CLUAP1: variants seen among roughly 807,000 people sequenced by gnomAD.
The protein encoded by CLUAP1 is clusterin-associated protein 1.
CLUAP1 carries 50 observed loss-of-function variants against 55.0 expected under a neutral mutation model. The observed-to-expected ratio is 0.91, with a 90% confidence interval of 0.72 to 1.15. CLUAP1 has a LOEUF of 1.15. CLUAP1 is among the 50% of genes most tolerant of loss of function. CLUAP1 has a pLI of 0.00. For missense variants in CLUAP1, 530 were observed against 507.6 expected (o/e 1.04, Z -0.42); for synonymous variants, 195 against 175.4 (o/e 1.11, Z -0.88).
At chr16:3,500,937 C>T (rs546170142), upstream of CLUAP1, 3 of 1,002,632 alleles carry the variant, frequency 3.0e-6, no homozygotes, top group Non-Finnish European at 3.0e-6. Context: ...GTCTTCGCTT[C>T]GCTTTTTGTT....
At chr16:3,505,398 C>T (rs1424452984) in intron 2 of CLUAP1, among the ~76,000 whole-genome samples, 2 of 151,124 alleles carry the variant, frequency 1.3e-5, no homozygotes, top group Admixed American at 6.6e-5. Context: ...GGCGTGGTGG[C>T]GGGCGCCTGT....
chr16:3,513,444 AT>A, intron 5 of CLUAP1, among the ~76,000 whole-genome samples: 1 of 151,872 alleles, frequency 6.6e-6, no homozygotes, highest in Non-Finnish European at 1.5e-5. Context: ...TTTATTTTTT[AT>A]TTTTTTAATT....
chr16:3,505,115 CAT>C (rs1184934252), intron 2 of CLUAP1, among the ~76,000 whole-genome samples: 1 of 152,134 alleles, frequency 6.6e-6, no homozygotes, highest in Non-Finnish European at 1.5e-5. Context: ...GGTACACACT[CAT>C]AGTTCCAGCG....
At chr16:3,500,597 C>G (rs933198640), upstream of CLUAP1, among the ~76,000 whole-genome samples, 2 of 152,170 alleles carry the variant, frequency 1.3e-5, no homozygotes, top group African/African-American at 2.4e-5. Context: ...TCTCGAACTC[C>G]TGACCTCAAG....
At chr16:3,525,170 T>A (rs1372621846) in intron 8 of CLUAP1, among the ~76,000 whole-genome samples, 1 of 152,154 alleles carries the variant, frequency 6.6e-6, no homozygotes, top group African/African-American at 2.4e-5. Context: ...ACAGGCACAT[T>A]TCGAGGGCAC....
At chr16:3,515,884 T>C (rs1356290162) in intron 6 of CLUAP1, among the ~76,000 whole-genome samples, 1 of 152,240 alleles carries the variant, frequency 6.6e-6, no homozygotes, top group Non-Finnish European at 1.5e-5. Flanking sequence ...TTATTTTGTT[T>C]AACCAATTCC....
At chr16:3,535,418 C>G (rs912056250) in intron 11 of CLUAP1, 1 of 151,738 alleles carries the variant, frequency 6.6e-6, no homozygotes, top group Non-Finnish European at 1.5e-5. Context: ...GAGTGTGCAC[C>G]GACAGGAATG....
intron 11 of CLUAP1, chr16:3,533,173 C>T (rs3751837): frequency 0.22 from 338,722 of 1,531,424 alleles, 38,270 homozygotes; most frequent in East Asian, 0.29. Flanking sequence ...TTCTGTTCTG[C>T]CTCATGTGTT....
At chr16:3,510,606 G>C (rs1021066059) in intron 4 of CLUAP1, among the ~76,000 whole-genome samples, 6 of 152,250 alleles carry the variant, frequency 3.9e-5, no homozygotes, top group African/African-American at 1.4e-4. Context: ...GAGCTCATGG[G>C]TGTGTTCCGC....
At chr16:3,508,245 A>G in intron 3 of CLUAP1, 44 bp from the exon 4 acceptor site, 2 of 1,549,166 alleles carry the variant, frequency 1.3e-6, no homozygotes, top group Non-Finnish European at 1.7e-6. Context: ...TAGACATTAC[A>G]TGGAAAGGGC....
At chr16:3,528,667 T>C (rs946109761) in intron 9 of CLUAP1, among the ~76,000 whole-genome samples, 1 of 152,176 alleles carries the variant, frequency 6.6e-6, no homozygotes, top group African/African-American at 2.4e-5. Flanking sequence ...CTGATCTTGC[T>C]TTATTCACCA....
intron 9 of CLUAP1, 131 bp from the exon 10 acceptor site, chr16:3,530,435 ATT>A (rs2038091332): frequency 1.5e-6 from 1 of 681,480 alleles, no homozygotes; most frequent in Admixed American, 2.6e-5. Context: ...TGGGATAAGG[ATT>A]TAATGTCTTA....
intron 9 of CLUAP1, among the ~76,000 whole-genome samples, chr16:3,528,238 G>C (rs1319307778): frequency 6.6e-6 from 1 of 152,144 alleles, no homozygotes; most frequent in East Asian, 1.9e-4. Flanking sequence ...TTTCTTCAGG[G>C]TGAAATATTC....
At chr16:3,519,823 G>A in intron 6 of CLUAP1, 80 bp from the exon 7 acceptor site, 2 of 1,447,118 alleles carry the variant, frequency 1.4e-6, no homozygotes, top group South Asian at 1.5e-5. Context: ...TGCTATGCCT[G>A]AAGAGTTGCA....
At chr16:3,516,728 C>T (rs950692996) in intron 6 of CLUAP1, among the ~76,000 whole-genome samples, 1 of 152,104 alleles carries the variant, frequency 6.6e-6, no homozygotes. Context: ...TATACATACA[C>T]GTAGAGACAC....
At chr16:3,512,241 A>G (rs2037642081) in intron 4 of CLUAP1, 142 bp from the exon 5 acceptor site, 2 of 596,616 alleles carry the variant, frequency 3.4e-6, no homozygotes, top group Admixed American at 2.7e-5. Context: ...TCTGCCTATA[A>G]TCCCAACACT....
At chr16:3,511,282 G>A (rs2037620201) in intron 4 of CLUAP1, among the ~76,000 whole-genome samples, 1 of 152,202 alleles carries the variant, frequency 6.6e-6, no homozygotes, top group Non-Finnish European at 1.5e-5. Flanking sequence ...GAGCAGAGCA[G>A]GGAGACGTTT....
At chr16:3,526,557 A>G in intron 9 of CLUAP1, 73 bp downstream of exon 9, 1 of 772,290 alleles carries the variant, frequency 1.3e-6, no homozygotes, top group Non-Finnish European at 1.8e-6. Flanking sequence ...ATATAGAGAG[A>G]TATATATATA....
At chr16:3,505,645 G>T (rs890347645) in intron 2 of CLUAP1, among the ~76,000 whole-genome samples, 2 of 151,952 alleles carry the variant, frequency 1.3e-5, no homozygotes, top group Admixed American at 1.3e-4. Flanking sequence ...CTATTCCTCA[G>T]TAGGATGCTG....
Sources: allele counts gnomAD v4.1 joint callset (sites outside exome capture counted in the v4.1 genomes callset), GRCh38; gene constraint gnomAD v4.1.1; transcripts MANE v1.5; gene names NCBI Gene and HGNC (gene_info 2026-07-23, HGNC 2026-07-21).